FAM151B: variants seen among roughly 807,000 people sequenced by gnomAD.
The protein encoded by FAM151B is family with sequence similarity 151 member B, also known as protein FAM151B.
In FAM151B, 24 loss-of-function variants were observed where a neutral mutation model predicts 31.2. The observed-to-expected ratio is 0.77, with a 90% CI of 0.56 to 1.08. The LOEUF (loss-of-function observed/expected upper bound fraction) is 1.08, where lower values mean the gene tolerates loss of function less well. FAM151B is among the 50% of genes least tolerant of loss of function. The pLI is 0.00. For missense variants in FAM151B, 293 were observed against 328.6 expected (o/e 0.89, Z 0.84); for synonymous variants, 105 against 111.4 (o/e 0.94, Z 0.36).
intron 1 of FAM151B, among the ~76,000 whole-genome samples, chr5:80,495,823 T>C (rs1743515211): frequency 1.1e-5 from 1 of 92,044 alleles, no homozygotes; most frequent in Admixed American, 1.9e-4. Flanking sequence ...AGAGCGAGAC[T>C]CCGTCTCAAA....
intron 5 of FAM151B, among the ~76,000 whole-genome samples, chr5:80,540,081 C>T (rs1335068345): frequency 6.6e-6 from 1 of 152,178 alleles, no homozygotes; most frequent in East Asian, 1.9e-4. Flanking sequence ...TGATACAACA[C>T]TACCATACAG....
At chr5:80,499,022 A>AG in intron 1 of FAM151B, 1 of 176,078 alleles carries the variant, frequency 5.7e-6, no homozygotes, top group African/African-American at 2.4e-5. Flanking sequence ...GGAAAAAAAA[A>AG]AAAAAGTAGT....
At chr5:80,536,970 A>G (rs1205474973) in intron 5 of FAM151B, among the ~76,000 whole-genome samples, 1 of 152,190 alleles carries the variant, frequency 6.6e-6, no homozygotes, top group Non-Finnish European at 1.5e-5. Flanking sequence ...GTTTGAATGA[A>G]TAAGGCCTAA....
At position 80,522,087 on chromosome 5, in the gene FAM151B, T is replaced by C; in HGVS notation, c.620T>C (p.Leu207Ser). 2 of 1,613,358 alleles carry C rather than the reference T, an allele frequency of 1.2e-6. No individual in the cohort carries two copies. Among genetic ancestry groups the C allele is most frequent in the African/African-American group, 1.3e-5 (1 of 75,062 alleles). The change falls in exon 5 of 6, where the codon TTA (leucine) becomes TCA (serine). Residue 207 changes from leucine (L) to serine (S), a missense_variant. Transcript: ENST00000282226. ...QPVTFPVRAA[L>S]VRQSCSQLLW... ...GTAACGTTCCCTGTCAGAGCAGCAT[T>C]AGTCAGGCAGTCTTGTTCTCAGTTA... is the stretch of plus-strand genomic sequence containing the variant.
chr5:80,533,771 G>A (rs1345098970), intron 5 of FAM151B, among the ~76,000 whole-genome samples: 29 of 110,190 alleles, frequency 2.6e-4, no homozygotes, highest in Admixed American at 6.4e-4. Context: ...AAAAAAAAGA[G>A]CAGAAATAAA....
chr5:80,495,625 T>C (rs1743503451), intron 1 of FAM151B, among the ~76,000 whole-genome samples: 1 of 151,940 alleles, frequency 6.6e-6, no homozygotes, highest in Admixed American at 6.5e-5. Flanking sequence ...GGTCAGGAGA[T>C]TGAGACCATC....
intron 5 of FAM151B, among the ~76,000 whole-genome samples, chr5:80,537,396 G>C (rs1424853502): frequency 1.3e-5 from 2 of 152,200 alleles, no homozygotes; most frequent in African/African-American, 4.8e-5. Flanking sequence ...CTGCCTTAGA[G>C]GAGGGGTAAT....
chr5:80,522,195 AG>A, intron 5 of FAM151B, 57 bp downstream of exon 5: 1 of 1,520,326 alleles, frequency 6.6e-7, no homozygotes, highest in Non-Finnish European at 9.0e-7. Flanking sequence ...AGAGATAGAA[AG>A]GGCATGAAAA....
At chr5:80,496,274 AG>A (rs1462984179) in intron 1 of FAM151B, among the ~76,000 whole-genome samples, 4 of 152,358 alleles carry the variant, frequency 2.6e-5, no homozygotes, top group African/African-American at 7.2e-5. Flanking sequence ...ATTGGTCAAT[AG>A]CCATCAACAT....
intron 2 of FAM151B, among the ~76,000 whole-genome samples, 200 bp downstream of exon 2, chr5:80,502,117 C>G (rs908898459): frequency 6.6e-6 from 1 of 151,880 alleles, no homozygotes; most frequent in South Asian, 2.1e-4. Flanking sequence ...CTCTCTGTTG[C>G]CCAGGCTGGA....
chr5:80,510,429 T>G (rs1245972578), intron 2 of FAM151B, among the ~76,000 whole-genome samples: 1 of 152,176 alleles, frequency 6.6e-6, no homozygotes, highest in African/African-American at 2.4e-5. Context: ...AAACTGAAGG[T>G]GCCAGCAGTT....
chr5:80,494,484 C>CTTTCTTTA (rs1743452593), intron 1 of FAM151B, among the ~76,000 whole-genome samples: 4 of 142,262 alleles, frequency 2.8e-5, no homozygotes, highest in African/African-American at 1.1e-4. Flanking sequence ...TTCTTTCTTT[C>CTTTCTTTA]TTTCTTTCTT....
chr5:80,504,488 G>A (rs1316794134), intron 2 of FAM151B, among the ~76,000 whole-genome samples: 1 of 143,246 alleles, frequency 7.0e-6, no homozygotes, highest in Admixed American at 7.0e-5. Flanking sequence ...TGGAAATAAT[G>A]GAATTAGCAG....
intron 1 of FAM151B, among the ~76,000 whole-genome samples, chr5:80,488,509 G>A (rs1743196551): frequency 6.6e-6 from 1 of 152,250 alleles, no homozygotes; most frequent in South Asian, 2.1e-4. Flanking sequence ...CTCTTTGAAA[G>A]CTGGGGGAGG....
intron 5 of FAM151B, among the ~76,000 whole-genome samples, chr5:80,540,136 CT>C (rs1399207041): frequency 6.6e-6 from 1 of 152,120 alleles, no homozygotes; most frequent in Non-Finnish European, 1.5e-5. Context: ...CAACAATACC[CT>C]TTTTCCTCTT....
rs1482319067 is a variant in FAM151B, at chr5:80,520,790, C to G, written c.535+880C>G. On this transcript the variant is annotated intron_variant, in intron 4 of 5. Coordinates refer to ENST00000282226, the MANE Select transcript of FAM151B (RefSeq NM_205548.3). ...ACTTTTTTTTCAAGCTATTTAGAAA[C>G]AAGCAAGTGTGTTTTCCATGTGGTT... is the stretch of plus-strand genomic sequence containing the variant. 3.5e-5 allele frequency among the ~76,000 whole-genome samples: 5 copies of G among 143,070 alleles called. No homozygotes were observed. In the Admixed American group the frequency reaches 3.5e-4, roughly 10 times the overall value. The allele number at this position is 143,070 out of a possible 152,430, so 93.9% of individuals were successfully genotyped here.
intron 2 of FAM151B, among the ~76,000 whole-genome samples, chr5:80,503,843 C>T (rs1270277731): frequency 1.3e-5 from 2 of 151,976 alleles, no homozygotes; most frequent in East Asian, 1.9e-4. Flanking sequence ...GCAACGTATG[C>T]CTTGATATAC....
At chr5:80,506,490 T>C (rs1397443363) in intron 2 of FAM151B, among the ~76,000 whole-genome samples, 1 of 152,224 alleles carries the variant, frequency 6.6e-6, no homozygotes, top group South Asian at 2.1e-4. Context: ...ATAAATCTAC[T>C]AGCTTGAATC....
chr5:80,538,448 C>CTTTCTTTCTCTTTCTTTCTTTCTT, intron 5 of FAM151B, among the ~76,000 whole-genome samples: 1 of 49,362 alleles, frequency 2.0e-5, no homozygotes, highest in South Asian at 7.8e-4. Flanking sequence ...TTCTTTCTTT[C>CTTTCTTTCTCTTTCTTTCTTTCTT]TCTTTCTTTC....
Sources: gnomAD v4.1 joint callset for allele counts (sites outside exome capture counted in the v4.1 genomes callset) on GRCh38, gnomAD v4.1.1 for gene constraint, MANE v1.5 for transcripts, NCBI Gene and HGNC (gene_info 2026-07-23, HGNC 2026-07-21) for gene names.